The following WDR25 variants were observed in gnomAD, a reference collection of about 807,000 sequenced individuals.
WDR25 encodes the protein WD repeat domain 25, also known as WD repeat-containing protein 25.
WDR25 carries 35 observed loss-of-function variants against 47.7 expected under a neutral mutation model. That is an observed-to-expected ratio of 0.73 (90% confidence interval 0.56 to 0.97). The LOEUF (loss-of-function observed/expected upper bound fraction) is 0.97, where lower values mean the gene tolerates loss of function less well. Ranked by LOEUF, WDR25 falls within the 50% of genes least tolerant of loss-of-function variation. The pLI, the probability that WDR25 is intolerant of heterozygous loss-of-function variation, is 0.00. For missense variants in WDR25, 634 were observed against 704.7 expected (o/e 0.90, Z 1.14); for synonymous variants, 248 against 278.9 (o/e 0.89, Z 1.10).
At chr14:100,402,366 TAA>T (rs543790580) in intron 2 of WDR25, among the ~76,000 whole-genome samples, 1 of 139,006 alleles carries the variant, frequency 7.2e-6, no homozygotes. Context: ...TGCTTTCTCC[TAA>T]AAAAAAAAAA....
chr14:100,378,011 C>T (rs1394849322), intron 1 of WDR25, among the ~76,000 whole-genome samples: 1 of 152,140 alleles, frequency 6.6e-6, no homozygotes, highest in African/African-American at 2.4e-5. Flanking sequence ...CTGTGCTGTT[C>T]CACCGCGCCC....
At position 100,428,954 on chromosome 14, in the gene WDR25, G is replaced by A. The variant is rs1287083059; in HGVS notation, c.823-39067G>A. Among the ~76,000 whole-genome samples, 14 of 152,170 alleles carry A rather than the reference G, an allele frequency of 9.2e-5. No individual in the cohort carries two copies. The highest frequency in any genetic ancestry group is 1.5e-5 in the Non-Finnish European group (1 of 68,010). ...TCTGAGTCATCTAATATGGTTTCCC[G>A]AGCGTGTCAGCTTCACTTCACATAA... is the stretch of plus-strand genomic sequence containing the variant. On this transcript the variant is annotated intron_variant, in intron 2 of 6. Coordinates refer to ENST00000402312, the MANE Select transcript of WDR25 (RefSeq NM_001161476.3). The surrounding 1 kb of genome is among the most constrained non-coding windows in gnomAD (Gnocchi z 4.3).
At chr14:100,496,553 G>A (rs1187706808) in intron 4 of WDR25, among the ~76,000 whole-genome samples, 3 of 151,932 alleles carry the variant, frequency 2.0e-5, no homozygotes, top group Non-Finnish European at 4.4e-5. Flanking sequence ...GATTTCTTAA[G>A]GAGGCAAGTT....
At chr14:100,522,974 G>A (rs2029930756) in intron 4 of WDR25, among the ~76,000 whole-genome samples, 1 of 152,184 alleles carries the variant, frequency 6.6e-6, no homozygotes, top group African/African-American at 2.4e-5. Context: ...CACAGGGCAG[G>A]GGCTGGCTCA....
At chr14:100,418,773 G>GT (rs890714909) in intron 2 of WDR25, among the ~76,000 whole-genome samples, 2 of 152,076 alleles carry the variant, frequency 1.3e-5, no homozygotes, top group Admixed American at 6.6e-5. Context: ...TGGCGGGGGG[G>GT]GGTCCTACTC....
rs1898223986 is a variant in WDR25 at position 100,428,180 on chromosome 14, G to T, written c.823-39841G>T. ...GTCGTGTGCTCCGACCGAAGCGTTG[G>T]CACTGACCCGTCTAGAATTCTGTGT... is the stretch of plus-strand genomic sequence containing the variant. On this transcript the variant is annotated intron_variant, in intron 2 of 6. Coordinates refer to ENST00000402312, the MANE Select transcript of WDR25 (RefSeq NM_001161476.3). The surrounding 1 kb of genome is among the most constrained non-coding windows in gnomAD (Gnocchi z 4.3). Among the ~76,000 whole-genome samples the T allele has an allele frequency of 6.6e-6, 1 of 152,226 alleles. No homozygotes were observed. Among genetic ancestry groups the T allele is most frequent in the Admixed American group, 6.5e-5 (1 of 15,290 alleles).
intron 2 of WDR25, among the ~76,000 whole-genome samples, chr14:100,387,825 A>G (rs1897052599): frequency 2.6e-5 from 4 of 152,270 alleles, no homozygotes; most frequent in African/African-American, 9.6e-5. Context: ...GTGGTGTCCA[A>G]GCTCTATCCC....
intron 1 of WDR25, among the ~76,000 whole-genome samples, chr14:100,377,931 G>A (rs7161062): frequency 0.043 from 6,473 of 152,152 alleles, 189 homozygotes; most frequent in African/African-American, 0.078. Context: ...GATGGAGGCG[G>A]AGCTTGGCGT....
chr14:100,410,001 G>T (rs1288294444), intron 2 of WDR25, among the ~76,000 whole-genome samples: 1 of 152,028 alleles, frequency 6.6e-6, no homozygotes, highest in Non-Finnish European at 1.5e-5. Flanking sequence ...ATCTCTCTAT[G>T]GATTTCTCTT....
chr14:100,518,825 C>T (rs1319574736), intron 4 of WDR25, among the ~76,000 whole-genome samples: 3 of 150,426 alleles, frequency 2.0e-5, no homozygotes, highest in Non-Finnish European at 4.4e-5. Context: ...ACCTGGGAGG[C>T]GGAAGTTGCA....
rs139148913 is a variant in WDR25, at chr14:100,381,327, A to G, written c.403A>G (p.Lys135Glu). The G allele has an allele frequency of 2.5e-6, 4 of 1,614,148 alleles. No homozygotes were observed. Among genetic ancestry groups the G allele is most frequent in the Non-Finnish European group, 3.4e-6 (4 of 1,180,030 alleles). The change falls in exon 2 of 7, where the codon AAG becomes GAG. Residue 135 changes from lysine to glutamate, a missense_variant. By Grantham distance (56) the Lys-to-Glu change is moderately conservative. Transcript: ENST00000402312. The stretch of plus-strand genomic sequence containing the variant: ...CATGCCCCTGGCAGCTGCCCGCTTT[A>G]AGCAAGTAAAACTCTCCAGGAACTT... ...SHMPLAAARF[K>E]QVKLSRNFPK...
intron 3 of WDR25, among the ~76,000 whole-genome samples, chr14:100,477,907 C>T (rs1283428461): frequency 2.0e-5 from 3 of 151,994 alleles, no homozygotes; most frequent in South Asian, 2.1e-4. Context: ...CTGGCTAACA[C>T]GGTGAAACCC....
chr14:100,441,378 G>A (rs1898663588), intron 2 of WDR25, among the ~76,000 whole-genome samples: 1 of 152,166 alleles, frequency 6.6e-6, no homozygotes, highest in Non-Finnish European at 1.5e-5. Flanking sequence ...CTGCCTAGGG[G>A]GTGGGGTGGG....
chr14:100,381,287 T>C lies in WDR25; in HGVS notation c.363T>C (p.His121=), dbSNP rs778470889. ...CTTGTTCTTCTCTGTGGACGAGCCA[T>C]GTTCCAGCCAGCCACATGCCCCTGG... The part of the protein sequence containing the change: ...EPSCSSLWTS[H]VPASHMPLAA... Residue 121 remains histidine (H), a synonymous_variant, in exon 2 of 7, where the codon CAT becomes CAC. Coordinates refer to ENST00000402312, the MANE Select transcript of WDR25 (RefSeq NM_001161476.3). 12 of 1,614,166 alleles carry C rather than the reference T, an allele frequency of 7.4e-6. No individual in the cohort carries two copies. Among genetic ancestry groups the C allele is most frequent in the South Asian group, 5.5e-5 (5 of 91,088 alleles).
At chr14:100,490,466 T>C (rs1049586122) in intron 4 of WDR25, among the ~76,000 whole-genome samples, 1 of 152,208 alleles carries the variant, frequency 6.6e-6, no homozygotes, top group African/African-American at 2.4e-5. Flanking sequence ...ATGGGAGTGA[T>C]CTCAGGATGA....
At chr14:100,389,854 C>G (rs895362495) in intron 2 of WDR25, among the ~76,000 whole-genome samples, 12 of 152,190 alleles carry the variant, frequency 7.9e-5, no homozygotes, top group African/African-American at 2.4e-4. Context: ...GCTCGGCCCC[C>G]CCATAGAACG....
intron 2 of WDR25, among the ~76,000 whole-genome samples, chr14:100,450,704 C>A (rs1047341657): frequency 6.6e-6 from 1 of 152,170 alleles, no homozygotes; most frequent in Non-Finnish European, 1.5e-5. Flanking sequence ...AAAGGTATAA[C>A]ATTATTACTA....
At chr14:100,501,883 A>G (rs781620920) in intron 4 of WDR25, among the ~76,000 whole-genome samples, 15 of 152,192 alleles carry the variant, frequency 9.9e-5, no homozygotes, top group Non-Finnish European at 1.6e-4. Flanking sequence ...ATGCTGGGAA[A>G]TGGTCCCTCA....
intron 2 of WDR25, among the ~76,000 whole-genome samples, chr14:100,453,265 G>A (rs1293431222): frequency 6.6e-6 from 1 of 152,238 alleles, no homozygotes; most frequent in African/African-American, 2.4e-5. Context: ...GGAGGTAGAA[G>A]AGCATTAGTG....
Sources: allele counts gnomAD v4.1 joint callset (sites outside exome capture counted in the v4.1 genomes callset), GRCh38; gene constraint gnomAD v4.1.1; non-coding constraint Gnocchi (gnomAD v3.1); transcripts MANE v1.5; gene names NCBI Gene and HGNC (gene_info 2026-07-23, HGNC 2026-07-21).